Variants in MGST2 observed in about 807,000 individuals in gnomAD.
The protein encoded by MGST2 is glutathione peroxidase MGST2.
MGST2 carries 9 observed loss-of-function variants against 16.6 expected under a neutral mutation model. The observed-to-expected ratio is 0.54, with a 90% CI of 0.33 to 0.95. The LOEUF is 0.95. Ranked by LOEUF, MGST2 falls within the 40% of genes least tolerant of loss-of-function variation. MGST2 has a pLI of 0.03. For synonymous variants in MGST2, 79 were observed against 68.0 expected (o/e 1.16, Z -0.79); for missense variants, 159 against 175.1 (o/e 0.91, Z 0.52).
At chr4:139,742,013 A>G (rs1729181471), downstream of MGST2, among the ~76,000 whole-genome samples, 1 of 152,194 alleles carries the variant, frequency 6.6e-6, no homozygotes, top group Admixed American at 6.5e-5. Context: ...TAAGTTTTAG[A>G]AAGAATATAG....
At chr4:139,675,219 A>T (rs888318558) in intron 1 of MGST2, among the ~76,000 whole-genome samples, 7 of 152,186 alleles carry the variant, frequency 4.6e-5, no homozygotes, top group African/African-American at 2.4e-5. Context: ...GGTGCTTGGA[A>T]TTTCCCTTGA....
At chr4:139,749,425 C>T in the MGST2 span, among the ~76,000 whole-genome samples, 77 of 152,278 alleles carry the variant, frequency 5.1e-4, no homozygotes, top group African/African-American at 1.6e-3. Flanking sequence ...CAGATCTAAG[C>T]GAAATCTGAT....
chr4:139,673,890 G>A (rs562712992), intron 1 of MGST2, among the ~76,000 whole-genome samples: 135 of 152,252 alleles, frequency 8.9e-4, no homozygotes, highest in African/African-American at 3.2e-3. Flanking sequence ...GAAAGCAGAA[G>A]GTATAGGAAA....
At chr4:139,730,353 C>A (rs1389549967) in intron 5 of MGST2, 6 of 1,430,370 alleles carry the variant, frequency 4.2e-6, no homozygotes, top group Non-Finnish European at 4.8e-6. Context: ...TCACAGGCAG[C>A]AGGCAGGTGC....
At chr4:139,701,120 AT>A (rs1438064087) in intron 3 of MGST2, among the ~76,000 whole-genome samples, 2 of 152,322 alleles carry the variant, frequency 1.3e-5, no homozygotes, top group Non-Finnish European at 2.9e-5. Flanking sequence ...CCTTTTGGTA[AT>A]GGGACTCTGT....
At chr4:139,708,186 A>G (rs1727592555), downstream of MGST2, among the ~76,000 whole-genome samples, 2 of 152,164 alleles carry the variant, frequency 1.3e-5, no homozygotes, top group South Asian at 4.1e-4. Flanking sequence ...TAGGGTTTTT[A>G]TGGTTTTAGG....
downstream of MGST2, among the ~76,000 whole-genome samples, chr4:139,744,855 CA>C (rs1729270874): frequency 6.6e-6 from 1 of 152,192 alleles, no homozygotes; most frequent in African/African-American, 2.4e-5. Flanking sequence ...CCAGGCTGAC[CA>C]GACCCGGGAT....
rs142936905 is a variant in MGST2 at position 139,687,309 on chromosome 4, C to G, written c.159-7888C>G. ...ACTTTGAATTTCTTCTTGAATTTTC[C>G]CAGCCCTAGCCCAATTTTTGCCTTA... On this transcript the variant is annotated intron_variant, in intron 2 of 4. Transcript: ENST00000265498. Among the ~76,000 whole-genome samples the G allele has an allele frequency of 7.4e-3, 1,129 of 152,270 alleles. 9 individuals carry two copies. The highest frequency in any genetic ancestry group is 0.025 in the African/African-American group (1,026 of 41,550).
intron 2 of MGST2, among the ~76,000 whole-genome samples, chr4:139,693,354 G>A (rs546075601): frequency 3.4e-5 from 5 of 147,270 alleles, no homozygotes; most frequent in African/African-American, 1.3e-4. Flanking sequence ...GTAGTGAGCC[G>A]AGATCGTGCC....
intron 5 of MGST2, among the ~76,000 whole-genome samples, chr4:139,729,219 T>C (rs993462728): frequency 7.3e-5 from 11 of 150,134 alleles, no homozygotes; most frequent in African/African-American, 2.2e-4. Context: ...ACAATTTTTC[T>C]CTTTGGGGGA....
At chr4:139,713,421 G>A (rs1420437639) in intron 5 of MGST2, among the ~76,000 whole-genome samples, 1 of 144,400 alleles carries the variant, frequency 6.9e-6, no homozygotes, top group Non-Finnish European at 1.5e-5. Flanking sequence ...GGAGTCCCAG[G>A]CTACCAGAAG....
chr4:139,695,614 T>C (rs1426304701), intron 3 of MGST2, among the ~76,000 whole-genome samples: 4 of 151,944 alleles, frequency 2.6e-5, no homozygotes, highest in Non-Finnish European at 4.4e-5. Context: ...AGAGACTCCA[T>C]CTCAAAAAAA....
intron 5 of MGST2, chr4:139,725,744 G>A: frequency 6.2e-7 from 1 of 1,613,662 alleles, no homozygotes; most frequent in Non-Finnish European, 8.5e-7. Flanking sequence ...GGTTGCACTG[G>A]CCTCACCTTG....
At position 139,725,865 on chromosome 4, in the gene MGST2, G is replaced by A. The variant is rs755439759; in HGVS notation, c.*49-14347G>A. On this transcript the variant is annotated intron_variant, in intron 5 of 5. Coordinates refer to the MGST2 transcript ENST00000616265. ...AACAACAGAACACAAGAGGGGTGGAGAGGTGAGATAGGGAGCAAGCACACA... is the reference window on the plus strand; with the variant it reads ...AACAACAGAACACAAGAGGGGTGGAAAGGTGAGATAGGGAGCAAGCACACA... The A allele has an allele frequency of 1.5e-5, 23 of 1,584,578 alleles. No homozygotes were observed. The East Asian group carries it at 5.1e-4, about 35-fold the overall frequency.
chr4:139,709,010 A>AAAAAG (rs1727633041), downstream of MGST2, among the ~76,000 whole-genome samples: 1 of 137,766 alleles, frequency 7.3e-6, no homozygotes. Flanking sequence ...AAAAAAAAAA[A>AAAAAG]AAAAAGAAAA....
At chr4:139,681,817 A>G (rs1234216287) in intron 2 of MGST2, among the ~76,000 whole-genome samples, 1 of 152,196 alleles carries the variant, frequency 6.6e-6, no homozygotes, top group Admixed American at 6.5e-5. Flanking sequence ...AGATCCATGA[A>G]CAAATCCCAC....
Position 139,719,752 on chromosome 4 carries a change from T to A in MGST2, c.*48+15556T>A, listed in dbSNP as rs771627802. On this transcript the variant is annotated intron_variant, in intron 5 of 5. Transcript: ENST00000616265. The stretch of plus-strand genomic sequence containing the variant: ...CCTGTGGGAAGTGCTGCTTGGTCAG[T>A]CTCGGCTGCCCAGCTTGAAGAGGGT... 6.2e-6 allele frequency: 10 copies of A among 1,613,644 alleles called. No homozygotes were observed. The African/African-American group carries it at 6.7e-5, about 11-fold the overall frequency.
intron 2 of MGST2, among the ~76,000 whole-genome samples, chr4:139,687,479 TC>T (rs1172307824): frequency 6.6e-6 from 1 of 152,186 alleles, no homozygotes; most frequent in South Asian, 2.1e-4. Context: ...TCTGTTTTTT[TC>T]CCTGGAGGAG....
chr4:139,726,481 G>C (rs1156538620), intron 5 of MGST2, among the ~76,000 whole-genome samples: 1 of 152,172 alleles, frequency 6.6e-6, no homozygotes, highest in Non-Finnish European at 1.5e-5. Flanking sequence ...GCTGAGGGAA[G>C]GGGTTTTGAC....
Sources: gnomAD v4.1 joint callset for allele counts (sites outside exome capture counted in the v4.1 genomes callset) on GRCh38, gnomAD v4.1.1 for gene constraint, MANE v1.5 for transcripts, NCBI Gene and HGNC (gene_info 2026-07-23, HGNC 2026-07-21) for gene names.